The following TRPM5 variants were observed in gnomAD, a reference collection of about 807,000 sequenced individuals.
TRPM5 encodes the protein MLSN1 and TRP-related.
A neutral mutation model predicts 124.9 loss-of-function variants in TRPM5; 121 were observed. The ratio of observed to expected loss-of-function variants is 0.97; its 90% CI spans 0.84 to 1.13. The LOEUF is 1.13. Among genes scored for constraint, TRPM5 ranks in the 50% most tolerant of loss-of-function variants. TRPM5 has a pLI of 0.00. For missense variants in TRPM5, 1,643 were observed against 1,589.1 expected (o/e 1.03, Z -0.58); for synonymous variants, 781 against 700.5 (o/e 1.11, Z -1.81).
At chr11:2,421,586 A>G (rs1845773198) in intron 2 of TRPM5, among the ~76,000 whole-genome samples, 1 of 152,204 alleles carries the variant, frequency 6.6e-6, no homozygotes, top group African/African-American at 2.4e-5. Context: ...TCTGGCTGGA[A>G]GATCTCTTTG....
rs527788848 is a variant in TRPM5, at chr11:2,406,871, G to A, written c.3119-78C>T. ...CAGAGCCCAGGCCTGGTCCCGGGGCGAGGTGGGCCAGGCAGAAGGAGTGAG... is the reference window on the plus strand; with the variant it reads ...CAGAGCCCAGGCCTGGTCCCGGGGCAAGGTGGGCCAGGCAGAAGGAGTGAG... On this transcript the variant is annotated intron_variant, in intron 20 of 23. Transcript: ENST00000155858. The A allele has an allele frequency of 2.5e-5, 39 of 1,533,686 alleles. No individual in the cohort carries two copies. The African/African-American group carries it at 3.2e-4, about 12-fold the overall frequency.
chr11:2,412,191 G>C (rs147792938), exon 16 of TRPM5: 2 of 1,613,628 alleles, frequency 1.2e-6, no homozygotes, highest in Non-Finnish European at 8.5e-7. Flanking sequence ...ACTTGTTCCA[G>C]TTGTCCCCCA....
intron 4 of TRPM5, among the ~76,000 whole-genome samples, chr11:2,419,151 G>A (rs776492306): frequency 4.6e-5 from 7 of 152,184 alleles, no homozygotes; most frequent in South Asian, 2.1e-4. Flanking sequence ...AACTGGGCTC[G>A]CAGGCGGGCC....
intron 18 of TRPM5, among the ~76,000 whole-genome samples, chr11:2,408,227 TGGAA>T (rs1850364516): frequency 6.6e-6 from 1 of 152,074 alleles, no homozygotes; most frequent in African/African-American, 2.4e-5. Flanking sequence ...CCTGGAGGGA[TGGAA>T]GGTGGGGGAC....
At chr11:2,414,009 G>GGGGCGC in intron 12 of TRPM5, 52 bp downstream of exon 17, 2 of 1,023,734 alleles carry the variant, frequency 2.0e-6, no homozygotes, top group Non-Finnish European at 2.9e-6. Context: ...GGCCCAGCTC[G>GGGGCGC]CCCGCCCACC....
chr11:2,407,981 C>A, intron 18 of TRPM5, 69 bp from the exon 24 acceptor site: 1 of 1,567,040 alleles, frequency 6.4e-7, no homozygotes. Context: ...GCAAATGCCC[C>A]GAGATAGAGC....
At chr11:2,412,072 G>T in intron 16 of TRPM5, 63 bp downstream of exon 21, 1 of 1,413,470 alleles carries the variant, frequency 7.1e-7, no homozygotes, top group Non-Finnish European at 1.0e-6. Context: ...AACCTGAGTG[G>T]CTTCATCTGG....
At chr11:2,404,181 G>A (rs1025620543), downstream of TRPM5, among the ~76,000 whole-genome samples, 6 of 152,334 alleles carry the variant, frequency 3.9e-5, no homozygotes, top group East Asian at 5.8e-4. Context: ...CTTGGGAAGC[G>A]AAAGGGAGAT....
At chr11:2,427,221 C>T (rs531708157), upstream of TRPM5, among the ~76,000 whole-genome samples, 1 of 152,346 alleles carries the variant, frequency 6.6e-6, no homozygotes, top group East Asian at 1.9e-4. Flanking sequence ...GTCCTGGTCC[C>T]CACTCCTCTC....
chr11:2,405,535 C>G (rs867911972), exon 23 of TRPM5: 2 of 1,560,802 alleles, frequency 1.3e-6, no homozygotes, highest in East Asian at 4.7e-5. Context: ...ACTCCGGGGG[C>G]CGCCACCCTG....
the TRPM5 span, among the ~76,000 whole-genome samples, chr11:2,434,655 G>A: frequency 5.3e-5 from 8 of 151,888 alleles, 1 homozygote; most frequent in Non-Finnish European, 8.8e-5. Context: ...GTGTGTCTGT[G>A]TGGAAACTGT....
At chr11:2,413,928 C>A (rs1850508862) in intron 12 of TRPM5, 133 bp downstream of exon 17, 1 of 1,288,104 alleles carries the variant, frequency 7.8e-7, no homozygotes, top group Non-Finnish European at 1.1e-6. Context: ...AACAGAAGCC[C>A]CACCCCGCCC....
At chr11:2,425,952 G>T (rs916735680), upstream of TRPM5, among the ~76,000 whole-genome samples, 1 of 152,170 alleles carries the variant, frequency 6.6e-6, no homozygotes, top group Non-Finnish European at 1.5e-5. Context: ...CTTGGGAGGG[G>T]TCCTACAGGG....
At chr11:2,417,449 C>T (rs1366932206) in intron 7 of TRPM5, among the ~76,000 whole-genome samples, 3 of 152,118 alleles carry the variant, frequency 2.0e-5, no homozygotes, top group South Asian at 2.1e-4. Flanking sequence ...TGCGAGACTC[C>T]GTCTCAAAAA....
rs1850351491 is a variant in TRPM5 at position 2,407,703 on chromosome 11, G to C, written c.2936+56C>G. 5 of 1,590,550 alleles carry C rather than the reference G, an allele frequency of 3.1e-6. No individual in the cohort carries two copies. In the East Asian group the frequency reaches 1.1e-4, roughly 36 times the overall value. On this transcript the variant is annotated intron_variant, in intron 19 of 23. Transcript: ENST00000155858. ...TGCAAAGGAGGCGGTGTTGGGGAAT[G>C]ACCCTCTGCTCCCTCCGCTCCAGGG...
chr11:2,417,905 G>A, intron 6 of TRPM5, 76 bp from the exon 12 acceptor site: 1 of 1,379,404 alleles, frequency 7.2e-7, no homozygotes, highest in Non-Finnish European at 1.0e-6. Context: ...GTAGACACCA[G>A]CGTAGGCACA....
chr11:2,412,040 C>T, intron 16 of TRPM5, 95 bp downstream of exon 21: 2 of 1,143,564 alleles, frequency 1.7e-6, no homozygotes, highest in Non-Finnish European at 2.6e-6. Context: ...TAGCTGGGAC[C>T]ACAAGTGCCA....
exon 9 of TRPM5, chr11:2,415,364 A>G (rs747248878): frequency 8.2e-6 from 13 of 1,588,494 alleles, no homozygotes; most frequent in Non-Finnish European, 1.0e-5. Flanking sequence ...GCAGCCGCCC[A>G]TACGTCAGGA....
chr11:2,415,245 C>G, exon 9 of TRPM5: 2 of 1,570,930 alleles, frequency 1.3e-6, no homozygotes, highest in Non-Finnish European at 1.7e-6. Context: ...GGGTGGCTCC[C>G]GGGCCTGCTG....
Sources: gnomAD v4.1 joint callset for allele counts (sites outside exome capture counted in the v4.1 genomes callset) on GRCh38, gnomAD v4.1.1 for gene constraint, MANE v1.5 for transcripts, NCBI Gene and HGNC (gene_info 2026-07-23, HGNC 2026-07-21) for gene names.